The following JAKMIP1 variants were observed in gnomAD, a reference collection of about 807,000 sequenced individuals.
JAKMIP1 encodes the protein janus kinase and microtubule interacting protein 1.
JAKMIP1 carries 33 observed loss-of-function variants against 113.0 expected under a neutral mutation model. The observed-to-expected ratio is 0.29, with a 90% CI of 0.22 to 0.39. The LOEUF (loss-of-function observed/expected upper bound fraction) is 0.39. Among genes scored for constraint, JAKMIP1 ranks in the 10% least tolerant of loss-of-function variants. The pLI, the probability that JAKMIP1 is intolerant of heterozygous loss-of-function variation, is 1.00. For missense variants in JAKMIP1, 813 were observed against 1,080.5 expected (o/e 0.75, Z 3.47); for synonymous variants, 480 against 459.9 (o/e 1.04, Z -0.56).
intron 1 of JAKMIP1, among the ~76,000 whole-genome samples, chr4:6,175,431 A>AT (rs951793128): frequency 2.3e-4 from 35 of 152,266 alleles, no homozygotes; most frequent in African/African-American, 7.0e-4. Flanking sequence ...GGTGAATGCC[A>AT]TTTTTTCTTT....
chr4:6,120,627 C>A (rs1012318003), intron 1 of JAKMIP1, among the ~76,000 whole-genome samples: 2 of 152,162 alleles, frequency 1.3e-5, no homozygotes, highest in African/African-American at 4.8e-5. Flanking sequence ...TCACATCCCA[C>A]GATTTTCAGT....
chr4:6,098,998 G>A (rs1004604504), intron 3 of JAKMIP1, among the ~76,000 whole-genome samples: 1 of 152,126 alleles, frequency 6.6e-6, no homozygotes, highest in African/African-American at 2.4e-5. Context: ...TCATTTTCTT[G>A]CCTGTTTTGG....
At position 6,105,668 on chromosome 4, in the gene JAKMIP1, G is replaced by A; in HGVS notation, c.429C>T (p.Ala143=). 1 of 1,602,498 alleles carries A rather than the reference G, an allele frequency of 6.2e-7. No homozygotes were observed. The highest frequency in any genetic ancestry group is 8.5e-7 in the Non-Finnish European group (1 of 1,176,386). ...GCAGCCGCAGGCGCTCTCCATCGAA[G>A]GCCCTGCGCGCCTCCTCGCGCGCCT... is the stretch of plus-strand genomic sequence containing the variant. ...LTEAREEARR[A]FDGERLRLQQ... The change falls in exon 3 of 21, where the codon GCC becomes GCT. Residue 143 remains alanine (A), a synonymous_variant. Transcript: ENST00000409021.
intron 1 of JAKMIP1, among the ~76,000 whole-genome samples, chr4:6,152,285 G>A: frequency 6.6e-6 from 1 of 152,038 alleles, no homozygotes; most frequent in East Asian, 1.9e-4. Flanking sequence ...CCTCCCACTG[G>A]GACTCTGATC....
At chr4:6,056,813 G>A in intron 11 of JAKMIP1, 54 bp from the exon 12 acceptor site, 4 of 1,236,866 alleles carry the variant, frequency 3.2e-6, no homozygotes, top group Non-Finnish European at 4.8e-6. Flanking sequence ...AGATGGTCAA[G>A]TAACAAACTT....
Position 6,141,185 on chromosome 4 carries a change from C to G in JAKMIP1, c.-147-28188G>C, listed in dbSNP as rs2108961277. On this transcript the variant is annotated intron_variant, in intron 1 of 20. Transcript: ENST00000409021. This position sits in a 1 kb window ranked among gnomAD's most constrained non-coding sequence, Gnocchi z 9.4. Reference sequence around the variant, plus strand: ...GCGCAGTGGCTCATGCCTGTAATCCCAACACTTTGGGATGCTGAGGCAGGC... The same window carrying G: ...GCGCAGTGGCTCATGCCTGTAATCCGAACACTTTGGGATGCTGAGGCAGGC... Among the ~76,000 whole-genome samples the G allele has an allele frequency of 6.6e-6, 1 of 152,302 alleles. No homozygotes were observed. The highest frequency in any genetic ancestry group is 2.1e-4 in the South Asian group (1 of 4,822).
At chr4:6,195,655 T>G (rs975811929) in intron 1 of JAKMIP1, among the ~76,000 whole-genome samples, 1 of 152,202 alleles carries the variant, frequency 6.6e-6, no homozygotes, top group Admixed American at 6.5e-5. Flanking sequence ...ACTCGCTTTA[T>G]AATCCCTGGC....
rs769579100 is a variant in JAKMIP1 at position 6,135,038 on chromosome 4, C to T, written c.-147-22041G>A. 2.0e-5 allele frequency among the ~76,000 whole-genome samples: 3 copies of T among 152,040 alleles called. No individual in the cohort carries two copies. Among genetic ancestry groups the T allele is most frequent in the Middle Eastern group, 3.4e-3 (1 of 294 alleles). On this transcript the variant is annotated intron_variant, in intron 1 of 20. Transcript: ENST00000409021. This position sits in a 1 kb window ranked among gnomAD's most constrained non-coding sequence, Gnocchi z 4.9. ...ATGTAGAGATGGCAGGTGTAGGGCTCGTGTATCTCTGGTCTGGTATCGTTG... is the reference window on the plus strand; with the variant it reads ...ATGTAGAGATGGCAGGTGTAGGGCTTGTGTATCTCTGGTCTGGTATCGTTG...
At chr4:6,133,987 A>T (rs1182435549) in intron 1 of JAKMIP1, among the ~76,000 whole-genome samples, 1 of 152,198 alleles carries the variant, frequency 6.6e-6, no homozygotes, top group East Asian at 1.9e-4. Context: ...GTGAATTAGA[A>T]TGGACTGATA....
intron 11 of JAKMIP1, among the ~76,000 whole-genome samples, chr4:6,058,462 T>C (rs377480194): frequency 5.3e-5 from 8 of 152,374 alleles, no homozygotes; most frequent in African/African-American, 1.7e-4. Context: ...TCGCAGCTTA[T>C]GTCCCTTCCT....
At chr4:6,151,659 C>T (rs1191526490) in intron 1 of JAKMIP1, among the ~76,000 whole-genome samples, 1 of 152,184 alleles carries the variant, frequency 6.6e-6, no homozygotes, top group Non-Finnish European at 1.5e-5. Flanking sequence ...TGGCTGGAAC[C>T]ACCTGTTCTC....
Position 6,040,601 on chromosome 4 carries a change from C to G in JAKMIP1, c.2175+38G>C, listed in dbSNP as rs1714181761. The G allele has an allele frequency of 1.3e-6, 2 of 1,500,898 alleles. No homozygotes were observed. Among genetic ancestry groups the G allele is most frequent in the East Asian group, 4.5e-5 (2 of 44,272 alleles). The allele number at this position is 1,500,898 out of a possible 1,614,324, so 93.0% of individuals were successfully genotyped here. A position where few individuals can be genotyped will look rare whatever the true frequency, so the allele number is the denominator to read the frequency against. On this transcript the variant is annotated intron_variant, in intron 18 of 20. Transcript: ENST00000409021. The surrounding 1 kb of genome is among the most constrained non-coding windows in gnomAD (Gnocchi z 5.8). ...GAAAAAGCAGCCTCTAATGTGGAGT[C>G]TAAGAAGCCAAAGTGTCAAACCCAC... is the stretch of plus-strand genomic sequence containing the variant.
chr4:6,106,667 G>A lies in JAKMIP1; in HGVS notation c.130-700C>T, dbSNP rs1436811499. ...CCTGTGCTACCAGGCAACCCACCCC[G>A]CCTTGAGCCTATTCATTTTATCAGC... On this transcript the variant is annotated intron_variant, in intron 2 of 20. Transcript: ENST00000409021. This position sits in a 1 kb window ranked among gnomAD's most constrained non-coding sequence, Gnocchi z 5.9. Among the ~76,000 whole-genome samples the A allele has an allele frequency of 3.9e-5, 6 of 152,188 alleles. 1 individual carries two copies. The highest frequency in any genetic ancestry group is 4.2e-4 in the South Asian group (2 of 4,804).
At chr4:6,074,150 G>A (rs145060135) in intron 8 of JAKMIP1, among the ~76,000 whole-genome samples, 45 of 152,354 alleles carry the variant, frequency 3.0e-4, no homozygotes, top group African/African-American at 1.0e-3. Context: ...GGGGACTGTT[G>A]GATAGGCCCA....
chr4:6,194,613 A>C lies in JAKMIP1; in HGVS notation c.-148+5640T>G, dbSNP rs1317020791. ...CCGGGTCAGTCCAGGCTCCTGACTCAAAATGCAGCCAAGGGAGAAGCTCAG... is the reference window on the plus strand; with the variant it reads ...CCGGGTCAGTCCAGGCTCCTGACTCCAAATGCAGCCAAGGGAGAAGCTCAG... On this transcript the variant is annotated intron_variant, in intron 1 of 20. Transcript: ENST00000409021. The surrounding 1 kb of genome is among the most constrained non-coding windows in gnomAD (Gnocchi z 7.4). The C allele has an allele frequency of 2.0e-5, 3 of 152,298 alleles. No individual in the cohort carries two copies. Among genetic ancestry groups the C allele is most frequent in the African/African-American group, 7.2e-5 (3 of 41,444 alleles). 9.4% of individuals were successfully genotyped at this position (152,298 alleles called of 1,614,324 possible). A position where few individuals can be genotyped will look rare whatever the true frequency, so the allele number is the denominator to read the frequency against.
Position 6,040,622 on chromosome 4 carries a change from C to G in JAKMIP1, c.2175+17G>C. ...GAGTCTAAGAAGCCAAAGTGTCAAACCCACTTCTGGTCCTACCAGGTAAGC... is the reference window on the plus strand; with the variant it reads ...GAGTCTAAGAAGCCAAAGTGTCAAAGCCACTTCTGGTCCTACCAGGTAAGC... On this transcript the variant is annotated intron_variant, in intron 18 of 20. Coordinates refer to ENST00000409021, the MANE Select transcript of JAKMIP1 (RefSeq NM_001099433.2). The surrounding 1 kb of genome is among the most constrained non-coding windows in gnomAD (Gnocchi z 5.8). 6.2e-7 allele frequency: 1 copy of G among 1,600,576 alleles called. No individual in the cohort carries two copies. Among genetic ancestry groups the G allele is most frequent in the Non-Finnish European group, 8.6e-7 (1 of 1,168,514 alleles).
rs1197924889 is a variant in JAKMIP1, at chr4:6,062,453, G to C, written c.1432-13C>G. 3.1e-6 allele frequency: 5 copies of C among 1,604,944 alleles called. No individual in the cohort carries two copies. On this transcript the variant is annotated splice_polypyrimidine_tract_variant and intron_variant, in intron 9 of 20. Transcript: ENST00000409021. ...CTCGGGCTGTGGCCTTCACATAATG[G>C]AGAAGAAAACAAATAATCAAGTGCA... is the stretch of plus-strand genomic sequence containing the variant.
In JAKMIP1 at chr4:6,029,751, ACTCCAGTTTGTC is replaced by A; in HGVS notation, c.2398_2409del (p.Asp800_Glu803del). The stretch of plus-strand genomic sequence containing the variant: ...AGTTCTTTCAGGTGCCGCTTCTGAA[ACTCCAGTTTGTC>A]CTCCAGTTCTCGGATTCTCTGAAAT... On this transcript the variant is annotated inframe_deletion, in exon 20 of 21. Transcript: ENST00000409021. 6.2e-7 allele frequency: 1 copy of A among 1,605,406 alleles called. No homozygotes were observed. The highest frequency in any genetic ancestry group is 1.1e-5 in the South Asian group (1 of 88,584).
chr4:6,149,899 CTCCCCACCCAT>C, intron 1 of JAKMIP1, among the ~76,000 whole-genome samples: 1 of 152,140 alleles, frequency 6.6e-6, no homozygotes, highest in Non-Finnish European at 1.5e-5. Context: ...ACTCCCAGCT[CTCCCCACCCAT>C]GGCCCACCCT....
Sources: gnomAD v4.1 joint callset for allele counts (sites outside exome capture counted in the v4.1 genomes callset) on GRCh38, gnomAD v4.1.1 for gene constraint, Gnocchi (gnomAD v3.1) non-coding constraint, MANE v1.5 for transcripts, NCBI Gene and HGNC (gene_info 2026-07-23, HGNC 2026-07-21) for gene names.